Variants in FHL2 observed in about 807,000 individuals in gnomAD.
FHL2 encodes four and a half LIM domains protein 2.
In FHL2, 20 loss-of-function variants were observed where a neutral mutation model predicts 32.7. The observed-to-expected ratio is 0.61, with a 90% CI of 0.43 to 0.89. The LOEUF (loss-of-function observed/expected upper bound fraction) is 0.89, where lower values mean the gene tolerates loss of function less well. Among genes scored for constraint, FHL2 ranks in the 40% least tolerant of loss-of-function variants. The pLI is 0.00. For missense variants in FHL2, 311 were observed against 358.6 expected (o/e 0.87, Z 1.07); for synonymous variants, 123 against 128.1 (o/e 0.96, Z 0.27).
chr2:105,400,806 A>G (rs1683439481), upstream of FHL2, among the ~76,000 whole-genome samples: 1 of 150,834 alleles, frequency 6.6e-6, no homozygotes, highest in African/African-American at 2.4e-5. Flanking sequence ...GCTGTGTCAC[A>G]TAGGTTCAGC....
upstream of FHL2, chr2:105,399,222 C>A (rs1244582589): frequency 1.3e-6 from 2 of 1,533,258 alleles, no homozygotes; most frequent in African/African-American, 2.7e-5. Context: ...CGGCCCGTAC[C>A]CTTTGTTTGC....
intron 1 of FHL2, among the ~76,000 whole-genome samples, chr2:105,434,225 G>A (rs903251184): frequency 5.3e-5 from 8 of 152,172 alleles, no homozygotes; most frequent in Admixed American, 1.3e-4. Context: ...ATGGCAACAG[G>A]GTTGCTCTTT....
intron 1 of FHL2, among the ~76,000 whole-genome samples, chr2:105,431,157 C>T (rs556523772): frequency 6.6e-6 from 1 of 152,252 alleles, no homozygotes; most frequent in Non-Finnish European, 1.5e-5. Flanking sequence ...TTTCTAAGAT[C>T]TCAAATTAAA....
chr2:105,377,318 C>T (rs1030157582), intron 3 of FHL2, among the ~76,000 whole-genome samples: 20 of 152,120 alleles, frequency 1.3e-4, no homozygotes, highest in Non-Finnish European at 1.5e-4. Context: ...GTGTATTTTA[C>T]CATAATTAAA....
At chr2:105,398,727 C>T in intron 1 of FHL2, 115 bp downstream of exon 1, 2 of 833,966 alleles carry the variant, frequency 2.4e-6, no homozygotes, top group Non-Finnish European at 3.4e-6. Context: ...GGGTTCGGCT[C>T]TCCTCTCCCG....
intron 3 of FHL2, among the ~76,000 whole-genome samples, chr2:105,385,414 G>A (rs1041453396): frequency 1.3e-5 from 2 of 152,206 alleles, no homozygotes; most frequent in South Asian, 2.1e-4. Context: ...GCGGCAATGT[G>A]CTGATATTAA....
intron 1 of FHL2, among the ~76,000 whole-genome samples, chr2:105,408,395 C>A (rs1390113301): frequency 1.3e-5 from 2 of 152,188 alleles, no homozygotes; most frequent in African/African-American, 4.8e-5. Flanking sequence ...GTCATGTAAT[C>A]CTAATGTTGA....
intron 1 of FHL2, among the ~76,000 whole-genome samples, chr2:105,405,158 C>T (rs947074152): frequency 5.9e-5 from 9 of 152,192 alleles, no homozygotes; most frequent in Admixed American, 1.3e-4. Flanking sequence ...ATCTCTTTGT[C>T]TCTGATTTCA....
At chr2:105,410,698 G>A (rs555236785) in intron 1 of FHL2, among the ~76,000 whole-genome samples, 12 of 152,280 alleles carry the variant, frequency 7.9e-5, no homozygotes, top group African/African-American at 2.9e-4. Flanking sequence ...AGAGGGAAGT[G>A]TGTGGTATGT....
chr2:105,379,685 T>C (rs1430122083), intron 3 of FHL2, among the ~76,000 whole-genome samples: 1 of 152,188 alleles, frequency 6.6e-6, no homozygotes, highest in African/African-American at 2.4e-5. Flanking sequence ...CCCAACTCGC[T>C]TTCCAACCTG....
intron 4 of FHL2, among the ~76,000 whole-genome samples, chr2:105,372,024 A>T (rs1278438643): frequency 6.6e-6 from 1 of 152,136 alleles, no homozygotes. Flanking sequence ...GTCACCATGC[A>T]GCCCTTCCAG....
chr2:105,430,650 A>C (rs2104682288), intron 1 of FHL2, among the ~76,000 whole-genome samples: 1 of 152,304 alleles, frequency 6.6e-6, no homozygotes, highest in Non-Finnish European at 1.5e-5. Context: ...CCTGGGCAAC[A>C]AGAGCGAAAC....
At chr2:105,411,776 C>A (rs1292174233) in intron 1 of FHL2, among the ~76,000 whole-genome samples, 1 of 151,342 alleles carries the variant, frequency 6.6e-6, no homozygotes, top group Admixed American at 6.6e-5. Flanking sequence ...AAGCCGAGAT[C>A]ACGCCAGTGC....
chr2:105,400,754 G>A (rs116623262), upstream of FHL2, among the ~76,000 whole-genome samples: 1,519 of 137,934 alleles, frequency 0.011, 24 homozygotes, highest in African/African-American at 0.038. Context: ...TTTACTGATA[G>A]AGTTATTTAG....
At chr2:105,358,902 T>C (rs1680114370), downstream of FHL2, 1 of 152,220 alleles carries the variant, frequency 6.6e-6, no homozygotes, top group Non-Finnish European at 1.5e-5. Context: ...CTTCCTCACT[T>C]TCCAGAGGCT....
chr2:105,404,018 G>A (rs1205700318), upstream of FHL2, among the ~76,000 whole-genome samples: 1 of 152,190 alleles, frequency 6.6e-6, no homozygotes, highest in Non-Finnish European at 1.5e-5. Flanking sequence ...GGGGAGGCTG[G>A]TGGGCTAGAC....
intron 4 of FHL2, among the ~76,000 whole-genome samples, chr2:105,370,209 C>A (rs1197555165): frequency 1.3e-5 from 2 of 150,960 alleles, no homozygotes; most frequent in Non-Finnish European, 3.0e-5. Context: ...CCTGTCTCTA[C>A]CCCCCCAAAA....
chr2:105,401,788 CTT>C (rs1400812416), upstream of FHL2, among the ~76,000 whole-genome samples: 1 of 152,024 alleles, frequency 6.6e-6, no homozygotes, highest in Non-Finnish European at 1.5e-5. Context: ...GTAGAGAACA[CTT>C]TGTAGGTAGA....
exon 1 of FHL2, chr2:105,438,426 C>T (rs983398269): frequency 2.0e-6 from 2 of 985,464 alleles, no homozygotes; most frequent in Non-Finnish European, 2.4e-6. Context: ...TGTCTTCTGT[C>T]CTCCAGCCCG....
Sources: allele counts gnomAD v4.1 joint callset (sites outside exome capture counted in the v4.1 genomes callset), GRCh38; gene constraint gnomAD v4.1.1; transcripts MANE v1.5; gene names NCBI Gene and HGNC (gene_info 2026-07-23, HGNC 2026-07-21).